LTBP1: variants seen among roughly 807,000 people sequenced by gnomAD.
LTBP1 encodes the protein latent transforming growth factor beta binding protein 1.
Under a neutral mutation model 207.6 loss-of-function variants are expected in LTBP1, and 129 were observed. That is an observed-to-expected ratio of 0.62 (90% CI 0.54 to 0.72). The LOEUF is 0.72. LTBP1 is among the 30% of genes least tolerant of loss of function. LTBP1 has a pLI of 0.00. For synonymous variants in LTBP1, 963 were observed against 833.7 expected (o/e 1.16, Z -2.67); for missense variants, 2,281 against 2,217.2 (o/e 1.03, Z -0.58).
At chr2:33,150,298 C>T (rs1397874355) in intron 5 of LTBP1, among the ~76,000 whole-genome samples, 3 of 151,982 alleles carry the variant, frequency 2.0e-5, no homozygotes, top group African/African-American at 4.8e-5. Flanking sequence ...TTCTTAATTC[C>T]CTCGGTGTGT....
chr2:33,053,827 C>G (rs986046881), intron 3 of LTBP1, among the ~76,000 whole-genome samples: 5 of 152,196 alleles, frequency 3.3e-5, no homozygotes, highest in Non-Finnish European at 7.4e-5. Context: ...TTCAAGAGAT[C>G]TAGAGTAGCC....
In LTBP1 at chr2:33,377,769, A is replaced by G. The variant is rs371139441; in HGVS notation, c.4712-11415A>G. Reference sequence around the variant, plus strand: ...GGTAATTTATAAAGAACAGTTCTTCATGGCTGGGGAGGCCTCAGGAGACTT... The same window carrying G: ...GGTAATTTATAAAGAACAGTTCTTCGTGGCTGGGGAGGCCTCAGGAGACTT... On this transcript the variant is annotated intron_variant, in intron 31 of 33. Transcript: ENST00000404816. Among the ~76,000 whole-genome samples, 62 of 152,324 alleles carry G rather than the reference A, an allele frequency of 4.1e-4. No individual in the cohort carries two copies. In the South Asian group the frequency reaches 0.012, roughly 29 times the overall value.
intron 24 of LTBP1, among the ~76,000 whole-genome samples, chr2:33,324,437 G>A (rs76053838): frequency 6.6e-6 from 1 of 151,710 alleles, no homozygotes; most frequent in Non-Finnish European, 1.5e-5. Flanking sequence ...ATATATATAT[G>A]GTTCAGTACT....
intron 3 of LTBP1, among the ~76,000 whole-genome samples, chr2:33,058,340 A>C (rs970175629): frequency 6.6e-6 from 1 of 152,234 alleles, no homozygotes; most frequent in Non-Finnish European, 1.5e-5. Flanking sequence ...GGCTAAAAGA[A>C]AATTAGAAGT....
chr2:33,102,278 G>A lies in LTBP1; in HGVS notation c.864-8304G>A, dbSNP rs185300655. On this transcript the variant is annotated intron_variant, in intron 3 of 33. Coordinates refer to ENST00000404816, the MANE Select transcript of LTBP1 (RefSeq NM_206943.4). ...ATTGGGCCAGGTACTTTTTCTGTTG[G>A]GGTGGGGGGCTGTTCTGTGCATTAT... is the stretch of plus-strand genomic sequence containing the variant. 3.0e-3 allele frequency among the ~76,000 whole-genome samples: 456 copies of A among 152,212 alleles called. 2 individuals carry two copies. The highest frequency in any genetic ancestry group is 0.01 in the African/African-American group (432 of 41,514).
intron 7 of LTBP1, among the ~76,000 whole-genome samples, chr2:33,191,931 A>G (rs1185733909): frequency 6.6e-6 from 1 of 152,236 alleles, no homozygotes; most frequent in Non-Finnish European, 1.5e-5. Flanking sequence ...TTAGGTAGTA[A>G]ACTTGGGATT....
chr2:33,062,203 C>T (rs2077298737), intron 3 of LTBP1, among the ~76,000 whole-genome samples: 1 of 134,424 alleles, frequency 7.4e-6, no homozygotes, highest in Admixed American at 8.3e-5. Context: ...TCCTGGATAT[C>T]AATCTTTTAT....
intron 20 of LTBP1, among the ~76,000 whole-genome samples, chr2:33,298,289 A>G (rs2093919334): frequency 1.3e-5 from 2 of 152,212 alleles, no homozygotes; most frequent in Non-Finnish European, 2.9e-5. Context: ...TTCCAAGTGT[A>G]TGTGTCATTA....
At chr2:33,349,524 G>T (rs1210574425) in intron 26 of LTBP1, among the ~76,000 whole-genome samples, 1 of 151,762 alleles carries the variant, frequency 6.6e-6, no homozygotes, top group Non-Finnish European at 1.5e-5. Flanking sequence ...GTTCATTTGT[G>T]GAGTTTGTGT....
At chr2:33,313,548 G>T (rs2094217420) in intron 23 of LTBP1, among the ~76,000 whole-genome samples, 1 of 152,148 alleles carries the variant, frequency 6.6e-6, no homozygotes, top group Non-Finnish European at 1.5e-5. Flanking sequence ...TATTCATGTG[G>T]GTTCCTGTAC....
intron 24 of LTBP1, among the ~76,000 whole-genome samples, chr2:33,324,596 G>A (rs2094401934): frequency 1.3e-5 from 2 of 151,668 alleles, no homozygotes; most frequent in African/African-American, 4.9e-5. Context: ...TATTGTCAAT[G>A]CTTACAACAT....
intron 5 of LTBP1, among the ~76,000 whole-genome samples, chr2:33,162,502 T>C (rs977285694): frequency 6.6e-6 from 1 of 152,302 alleles, no homozygotes; most frequent in Non-Finnish European, 1.5e-5. Flanking sequence ...AGCAGAAACT[T>C]TGTTCTTGTC....
intron 31 of LTBP1, among the ~76,000 whole-genome samples, chr2:33,367,656 G>A (rs753003808): frequency 7.9e-5 from 12 of 152,118 alleles, no homozygotes; most frequent in Non-Finnish European, 1.6e-4. Context: ...CTCCAGTTCC[G>A]CCCATGTTGC....
At chr2:33,292,580 C>G (rs924883848) in intron 19 of LTBP1, among the ~76,000 whole-genome samples, 5 of 152,232 alleles carry the variant, frequency 3.3e-5, no homozygotes, top group Admixed American at 6.5e-5. Flanking sequence ...TTATTATTAT[C>G]TACCTCTTCA....
At chr2:33,103,608 TGTGTGTGTGTGTGTGTGTGA>T (rs945135821) in intron 3 of LTBP1, among the ~76,000 whole-genome samples, 19 of 142,590 alleles carry the variant, frequency 1.3e-4, no homozygotes, top group African/African-American at 4.0e-4. Flanking sequence ...TGTGTGTGTG[TGTGTGTGTGTGTGTGTGTGA>T]GTGTTATGCT....
At chr2:33,189,926 C>T (rs981211966) in intron 7 of LTBP1, among the ~76,000 whole-genome samples, 3 of 152,012 alleles carry the variant, frequency 2.0e-5, no homozygotes, top group African/African-American at 4.8e-5. Context: ...ACTTGGGAGG[C>T]TGAGGCAGGA....
At chr2:33,317,902 C>T (rs2094295664) in intron 24 of LTBP1, 1 of 152,192 alleles carries the variant, frequency 6.6e-6, no homozygotes, top group East Asian at 1.9e-4. Flanking sequence ...TTAAGTGTAG[C>T]ATGGCAGCTT....
chr2:33,225,689 C>G (rs1040712482), intron 9 of LTBP1, among the ~76,000 whole-genome samples: 1 of 152,186 alleles, frequency 6.6e-6, no homozygotes, highest in Non-Finnish European at 1.5e-5. Context: ...ATGATATCAG[C>G]TGTCATTTTG....
chr2:33,091,812 C>T (rs2079110639), intron 3 of LTBP1, among the ~76,000 whole-genome samples: 1 of 152,142 alleles, frequency 6.6e-6, no homozygotes, highest in African/African-American at 2.4e-5. Context: ...TAATCTGCCT[C>T]CTGAGCTCTT....
Sources: gnomAD v4.1 joint callset for allele counts (sites outside exome capture counted in the v4.1 genomes callset) on GRCh38, gnomAD v4.1.1 for gene constraint, MANE v1.5 for transcripts, NCBI Gene and HGNC (gene_info 2026-07-23, HGNC 2026-07-21) for gene names.